TTC27: variants seen among roughly 807,000 people sequenced by gnomAD.
TTC27 encodes tetratricopeptide repeat domain 27.
A neutral mutation model predicts 115.9 loss-of-function variants in TTC27; 79 were observed. That is an observed-to-expected ratio of 0.68 (90% CI 0.57 to 0.82). The LOEUF (loss-of-function observed/expected upper bound fraction) is 0.82, where lower values mean the gene tolerates loss of function less well. Among genes scored for constraint, TTC27 ranks in the 40% least tolerant of loss-of-function variants. TTC27 has a pLI of 0.00. For missense variants in TTC27, 1,054 were observed against 993.1 expected (o/e 1.06, Z -0.82); for synonymous variants, 401 against 356.0 (o/e 1.13, Z -1.42).
chr2:32,669,747 G>T (rs1327876598), intron 7 of TTC27, among the ~76,000 whole-genome samples: 2 of 151,702 alleles, frequency 1.3e-5, no homozygotes, highest in Non-Finnish European at 2.9e-5. Context: ...TTATCCGGGC[G>T]TGGTGGTGTG....
intron 10 of TTC27, chr2:32,705,127 C>T (rs1053856051): frequency 6.9e-6 from 2 of 287,794 alleles, no homozygotes; most frequent in South Asian, 6.6e-5. Flanking sequence ...TCCTAGTGCC[C>T]TCCCCACAGT....
At chr2:32,790,018 T>C (rs1322914136) in intron 16 of TTC27, among the ~76,000 whole-genome samples, 1 of 150,404 alleles carries the variant, frequency 6.6e-6, no homozygotes, top group Non-Finnish European at 1.5e-5. Context: ...CATTTGAGCA[T>C]TTTTCAGAAA....
chr2:32,695,538 G>A (rs1264943547), intron 9 of TTC27, among the ~76,000 whole-genome samples: 1 of 151,920 alleles, frequency 6.6e-6, no homozygotes, highest in Non-Finnish European at 1.5e-5. Context: ...GGCCAATATG[G>A]TGAAACCCCA....
chr2:32,751,909 A>G (rs1421676974), intron 12 of TTC27, among the ~76,000 whole-genome samples: 1 of 152,206 alleles, frequency 6.6e-6, no homozygotes, highest in Non-Finnish European at 1.5e-5. Flanking sequence ...CTGGTCTCCA[A>G]ACCTAGAAAT....
intron 10 of TTC27, among the ~76,000 whole-genome samples, chr2:32,707,848 G>T (rs1222584850): frequency 6.6e-6 from 1 of 152,060 alleles, no homozygotes. Flanking sequence ...CTTCAACAAA[G>T]GGTAGCAGAG....
chr2:32,650,462 A>C (rs1161761786), intron 5 of TTC27, among the ~76,000 whole-genome samples: 1 of 146,970 alleles, frequency 6.8e-6, no homozygotes, highest in African/African-American at 2.5e-5. Flanking sequence ...ACTTTCACTT[A>C]CTTAACCTAC....
At chr2:32,789,837 C>T (rs1223725449) in intron 16 of TTC27, among the ~76,000 whole-genome samples, 1 of 144,676 alleles carries the variant, frequency 6.9e-6, no homozygotes, top group Non-Finnish European at 1.5e-5. Flanking sequence ...GGAGGGTTCC[C>T]TGAGGCTGGA....
At chr2:32,633,191 C>T (rs1273255029) in intron 2 of TTC27, among the ~76,000 whole-genome samples, 1 of 152,150 alleles carries the variant, frequency 6.6e-6, no homozygotes, top group Non-Finnish European at 1.5e-5. Context: ...GATGTCTGAT[C>T]AGAACCTAAA....
At chr2:32,759,167 T>C (rs1669347927) in intron 13 of TTC27, among the ~76,000 whole-genome samples, 1 of 152,144 alleles carries the variant, frequency 6.6e-6, no homozygotes. Context: ...GAAATGGTCA[T>C]TTTTTCTACC....
rs1214676333 is a variant in TTC27 at position 32,705,879 on chromosome 2, GCATTATGT to G, written c.1233+2960_1233+2967del. On this transcript the variant is annotated intron_variant, in intron 10 of 19. Transcript: ENST00000317907. ...TGATGTATCTTCTCTGCATAAGTTA[GCATTATGT>G]ATTGCCAAGTGGTAATTTTCTAATT... is the stretch of plus-strand genomic sequence containing the variant. Among the ~76,000 whole-genome samples the G allele has an allele frequency of 2.0e-5, 3 of 152,056 alleles. No individual in the cohort carries two copies. In the East Asian group the frequency reaches 5.8e-4, roughly 29 times the overall value.
At chr2:32,656,758 T>C (rs1192819219) in intron 5 of TTC27, among the ~76,000 whole-genome samples, 1 of 152,182 alleles carries the variant, frequency 6.6e-6, no homozygotes, top group African/African-American at 2.4e-5. Flanking sequence ...ACCCATCTTT[T>C]AAGGCCCCAC....
intron 1 of TTC27, among the ~76,000 whole-genome samples, chr2:32,629,240 G>T (rs564412124): frequency 5.9e-5 from 9 of 151,920 alleles, no homozygotes; most frequent in Admixed American, 2.0e-4. Context: ...TCCTGCTTCA[G>T]CCTCCAAAGT....
At chr2:32,669,710 C>T (rs1665936238) in intron 7 of TTC27, among the ~76,000 whole-genome samples, 1 of 151,830 alleles carries the variant, frequency 6.6e-6, no homozygotes, top group African/African-American at 2.4e-5. Flanking sequence ...CATGCCGAAA[C>T]CCCATCTCTG....
At position 32,758,427 on chromosome 2, in the gene TTC27, C is replaced by T; in HGVS notation, c.1588C>T (p.Gln530Ter). ...GTCCCGGTACCGCAGTGCTCGTGCT[C>T]AGCGCTCCAAAGCCCTCCTTCATCT... ...ELSRYRSARAQRSKALLHLRN... is the reference protein window; with the variant it reads ...ELSRYRSARA The change falls in exon 13 of 20, where the codon CAG (glutamine) becomes TAG (stop). Residue 530 changes from glutamine (Q) to a stop codon, truncating the protein, a stop_gained. Coordinates refer to ENST00000317907, the MANE Select transcript of TTC27 (RefSeq NM_017735.5). LOFTEE classifies it high-confidence loss of function. 6.2e-7 allele frequency: 1 copy of T among 1,614,192 alleles called. No individual in the cohort carries two copies. The highest frequency in any genetic ancestry group is 8.5e-7 in the Non-Finnish European group (1 of 1,180,030).
Position 32,811,200 on chromosome 2 carries a change from A to C in TTC27, c.2175A>C (p.Glu725Asp). 1.2e-6 allele frequency: 2 copies of C among 1,613,982 alleles called. No homozygotes were observed. Among genetic ancestry groups the C allele is most frequent in the Non-Finnish European group, 8.5e-7 (1 of 1,179,918 alleles). The change falls in exon 17 of 20, where the codon GAA becomes GAC. Residue 725 changes from glutamate to aspartate, a missense_variant. Physicochemically the swap from Glu to Asp is conservative, Grantham distance 45. Coordinates refer to ENST00000317907, the MANE Select transcript of TTC27 (RefSeq NM_017735.5). ...ACGTATATGGAAATGGGCAGAGTGA[A>C]AAGCCTGATGAAAATGAAAAGGCAA... Reference protein sequence around the residue: ...YAHVYGNGQSEKPDENEKAFQ... With the variant: ...YAHVYGNGQSDKPDENEKAFQ...
Position 32,628,141 on chromosome 2 carries a change from C to A in TTC27, c.-152C>A, listed in dbSNP as rs2063522872. On this transcript the variant is annotated 5_prime_UTR_variant, in exon 1 of 20. Coordinates refer to ENST00000317907, the MANE Select transcript of TTC27 (RefSeq NM_017735.5). ...TATGGCCGCCTCCTTGAGGTAGTAT[C>A]CGCACATGGAATTCTAGGGCCGCAG... 4.3e-6 allele frequency: 3 copies of A among 695,470 alleles called. No individual in the cohort carries two copies. In the African/African-American group the frequency reaches 5.5e-5, roughly 13 times the overall value. 43.1% of individuals were successfully genotyped at this position (695,470 alleles called of 1,614,324 possible).
chr2:32,664,553 G>T, intron 6 of TTC27, 86 bp downstream of exon 6: 1 of 1,159,258 alleles, frequency 8.6e-7, no homozygotes, highest in Non-Finnish European at 1.2e-6. Context: ...GTTGGTATTA[G>T]ATTTTCTATA....
At chr2:32,711,116 CAAAAAAAAAAAAA>C (rs34140897) in intron 10 of TTC27, among the ~76,000 whole-genome samples, 1 of 59,936 alleles carries the variant, frequency 1.7e-5, no homozygotes, top group African/African-American at 6.3e-5. Context: ...GACTCTGTCT[CAAAAAAAAAAAAA>C]AAAAAAAAAA....
Position 32,649,367 on chromosome 2 carries a change from C to T in TTC27, c.538-764C>T, listed in dbSNP as rs189945806. On this transcript the variant is annotated intron_variant, in intron 4 of 19. Coordinates refer to ENST00000317907, the MANE Select transcript of TTC27 (RefSeq NM_017735.5). Reference sequence around the variant, plus strand: ...TAGTAGACGGTGAACAACATTGGAACCTGAGATGACATACATAAAATACAG... The same window carrying T: ...TAGTAGACGGTGAACAACATTGGAATCTGAGATGACATACATAAAATACAG... Among the ~76,000 whole-genome samples, 165 of 152,088 alleles carry T rather than the reference C, an allele frequency of 1.1e-3. 1 individual carries two copies. Among genetic ancestry groups the T allele is most frequent in the African/African-American group, 3.8e-3 (159 of 41,474 alleles).
Sources: allele counts gnomAD v4.1 joint callset (sites outside exome capture counted in the v4.1 genomes callset), GRCh38; gene constraint gnomAD v4.1.1; transcripts MANE v1.5; gene names NCBI Gene and HGNC (gene_info 2026-07-23, HGNC 2026-07-21).